The following OPCML variants were observed in gnomAD, a reference collection of about 807,000 sequenced individuals.
OPCML encodes the protein opioid binding protein/cell adhesion molecule like, also known as opioid-binding protein/cell adhesion molecule.
Under a neutral mutation model 37.8 loss-of-function variants are expected in OPCML, and 13 were observed. The observed-to-expected ratio is 0.34, with a 90% CI of 0.22 to 0.55. OPCML has a LOEUF of 0.55. Ranked by LOEUF, OPCML falls within the 20% of genes least tolerant of loss-of-function variation. OPCML has a pLI of 0.91. For synonymous variants in OPCML, 176 were observed against 168.8 expected, an observed-to-expected ratio of 1.04 and a Z score of -0.33; for missense variants, 341 against 435.6, an observed-to-expected ratio of 0.78 and a Z score of 1.93.
intron 4 of OPCML, among the ~76,000 whole-genome samples, chr11:132,528,711 C>T (rs187754642): frequency 2.2e-3 from 341 of 152,278 alleles, no homozygotes; most frequent in African/African-American, 7.3e-3. Context: ...TCCATGGCCA[C>T]GCTAATACTC....
intron 4 of OPCML, among the ~76,000 whole-genome samples, chr11:132,471,977 C>T (rs1057414364): frequency 3.9e-5 from 6 of 152,144 alleles, no homozygotes; most frequent in Non-Finnish European, 8.8e-5. Context: ...GGAGTAGCAG[C>T]AGGCCTACAT....
intron 1 of OPCML, among the ~76,000 whole-genome samples, chr11:133,027,119 GT>G (rs1303711760): frequency 6.6e-6 from 1 of 152,220 alleles, no homozygotes; most frequent in Non-Finnish European, 1.5e-5. Flanking sequence ...CTGTGTCTCA[GT>G]TTTGTGGTGA....
intron 1 of OPCML, among the ~76,000 whole-genome samples, chr11:133,237,843 C>G (rs933351267): frequency 6.6e-6 from 1 of 152,208 alleles, no homozygotes; most frequent in Non-Finnish European, 1.5e-5. Flanking sequence ...AGAGTTGGAA[C>G]TAGGATGCGC....
At chr11:132,806,087 A>G (rs987740952) in intron 2 of OPCML, among the ~76,000 whole-genome samples, 6 of 152,144 alleles carry the variant, frequency 3.9e-5, no homozygotes, top group African/African-American at 1.2e-4. Context: ...GAGAAACCAT[A>G]TAAAAATTTT....
At chr11:133,502,957 C>T (rs1419389198) in intron 1 of OPCML, among the ~76,000 whole-genome samples, 1 of 152,136 alleles carries the variant, frequency 6.6e-6, no homozygotes, top group Non-Finnish European at 1.5e-5. Context: ...CAGGACAGTT[C>T]CCAGCTAAGT....
chr11:133,213,581 A>G (rs1157449038), intron 1 of OPCML, among the ~76,000 whole-genome samples: 1 of 152,186 alleles, frequency 6.6e-6, no homozygotes, highest in Non-Finnish European at 1.5e-5. Context: ...AAAATTTGAC[A>G]TTCTCATAGC....
At chr11:132,990,931 T>C (rs960969023) in intron 1 of OPCML, among the ~76,000 whole-genome samples, 2 of 152,212 alleles carry the variant, frequency 1.3e-5, no homozygotes, top group Admixed American at 6.5e-5. Context: ...GAAAGTATGA[T>C]TGAAATCACA....
intron 1 of OPCML, among the ~76,000 whole-genome samples, chr11:133,058,627 G>T (rs1011489911): frequency 2.9e-4 from 44 of 152,330 alleles, no homozygotes; most frequent in African/African-American, 9.9e-4. Flanking sequence ...GGAGGGACCA[G>T]GCATCTCGGA....
At chr11:132,661,467 A>G (rs1331462041) in intron 2 of OPCML, among the ~76,000 whole-genome samples, 1 of 152,178 alleles carries the variant, frequency 6.6e-6, no homozygotes, top group Non-Finnish European at 1.5e-5. Flanking sequence ...AGCAGGAAAG[A>G]GAACTCAGGG....
chr11:132,827,953 C>T (rs570244043), intron 2 of OPCML, among the ~76,000 whole-genome samples: 1 of 152,200 alleles, frequency 6.6e-6, no homozygotes, highest in African/African-American at 2.4e-5. Context: ...TGTTTTATAG[C>T]AGCTTCATTT....
intron 1 of OPCML, among the ~76,000 whole-genome samples, chr11:133,145,193 G>A (rs1949880675): frequency 6.6e-6 from 1 of 152,168 alleles, no homozygotes; most frequent in Non-Finnish European, 1.5e-5. Context: ...GGCTGACTAC[G>A]ATTAATGACA....
intron 1 of OPCML, among the ~76,000 whole-genome samples, chr11:133,431,234 C>T (rs572666432): frequency 2.0e-5 from 3 of 152,234 alleles, no homozygotes; most frequent in Middle Eastern, 3.4e-3. Flanking sequence ...CCTAGTTAAA[C>T]GTCATTCGAC....
rs918373974 is a variant in OPCML, at chr11:132,510,385, T to C, written c.505+18676A>G. Reference sequence around the variant, plus strand: ...TTGGGGGACTGTTGGGAAGGCATGATTGGTTTTGAAATGTGAGGACATGAG... The same window carrying C: ...TTGGGGGACTGTTGGGAAGGCATGACTGGTTTTGAAATGTGAGGACATGAG... On this transcript the variant is annotated intron_variant, in intron 4 of 7. Transcript: ENST00000524381. Among the ~76,000 whole-genome samples the C allele has an allele frequency of 3.9e-5, 6 of 152,004 alleles. No individual in the cohort carries two copies. In the East Asian group the frequency reaches 7.7e-4, roughly 20 times the overall value.
Position 132,789,028 on chromosome 11 carries a change from G to A in OPCML, c.147-131709C>T, listed in dbSNP as rs547450466. 1.4e-4 allele frequency among the ~76,000 whole-genome samples: 21 copies of A among 150,964 alleles called. No homozygotes were observed. In the South Asian group the frequency reaches 2.5e-3, roughly 18 times the overall value. ...TTGTATGCTGTGAGCCAGCCATGTC[G>A]GCTTCATTCATCTACGTGCACCCGA... On this transcript the variant is annotated intron_variant, in intron 2 of 7. Coordinates refer to ENST00000524381, the MANE Select transcript of OPCML (RefSeq NM_001012393.5).
chr11:132,601,101 C>T (rs1019397159), intron 3 of OPCML, among the ~76,000 whole-genome samples: 2 of 152,054 alleles, frequency 1.3e-5, no homozygotes, highest in Non-Finnish European at 2.9e-5. Flanking sequence ...AACAGAAGAA[C>T]TGACTGTAAA....
At chr11:133,122,544 C>T (rs912057139) in intron 1 of OPCML, among the ~76,000 whole-genome samples, 2 of 152,132 alleles carry the variant, frequency 1.3e-5, no homozygotes, top group African/African-American at 4.8e-5. Context: ...AGATTTCTCA[C>T]ATTCCAGCAC....
At chr11:132,664,084 G>A (rs765847595) in intron 2 of OPCML, among the ~76,000 whole-genome samples, 3 of 151,936 alleles carry the variant, frequency 2.0e-5, no homozygotes, top group Non-Finnish European at 4.4e-5. Context: ...CGCCCGCCTC[G>A]GCCTCCCAAA....
intron 1 of OPCML, among the ~76,000 whole-genome samples, chr11:133,113,759 A>G (rs1434037896): frequency 6.6e-6 from 1 of 152,236 alleles, no homozygotes; most frequent in African/African-American, 2.4e-5. Flanking sequence ...CGCAGGTAAG[A>G]AAGTATTTAT....
At chr11:132,470,247 C>T (rs896155855) in intron 4 of OPCML, among the ~76,000 whole-genome samples, 5 of 151,932 alleles carry the variant, frequency 3.3e-5, no homozygotes, top group Non-Finnish European at 5.9e-5. Context: ...ATGTTGGCAA[C>T]AGTACAGGAG....
Sources: gnomAD v4.1 joint callset for allele counts (sites outside exome capture counted in the v4.1 genomes callset) on GRCh38, gnomAD v4.1.1 for gene constraint, MANE v1.5 for transcripts, NCBI Gene and HGNC (gene_info 2026-07-23, HGNC 2026-07-21) for gene names.